The following ENOX2 variants were observed in gnomAD, a reference collection of about 807,000 sequenced individuals.
ENOX2 encodes ecto-NOX disulfide-thiol exchanger 2.
In ENOX2, 36 loss-of-function variants were observed where a neutral mutation model predicts 45.0. The ratio of observed to expected loss-of-function variants is 0.80; its 90% CI spans 0.61 to 1.06. ENOX2 has a LOEUF of 1.06. Ranked by LOEUF, ENOX2 falls within the 50% of genes least tolerant of loss-of-function variation. ENOX2 has a pLI of 0.00. For synonymous variants in ENOX2, 174 were observed against 152.3 expected (o/e 1.14, Z -1.05); for missense variants, 423 against 462.5 (o/e 0.91, Z 0.78).
Position 130,637,197 on chromosome X carries a change from C to T in ENOX2, c.1311+32G>A, listed in dbSNP as rs746506203. Reference sequence around the variant, plus strand: ...TAGGTGAGAAGCTGATGCTATTCTACCCAGAAGCTCAGAAAACCAAAATGC... The same window carrying T: ...TAGGTGAGAAGCTGATGCTATTCTATCCAGAAGCTCAGAAAACCAAAATGC... On this transcript the variant is annotated intron_variant, in intron 11 of 14. Transcript: ENST00000394363. 18 of 1,173,850 alleles carry T rather than the reference C, an allele frequency of 1.5e-5. No individual in the cohort carries two copies. In the African/African-American group the frequency reaches 2.8e-4, roughly 18 times the overall value.
rs777645957 is a variant in ENOX2, at chrX:130,817,618, G to A, written c.-182-33928C>T. On this transcript the variant is annotated intron_variant, in intron 2 of 14. Coordinates refer to ENST00000394363, the MANE Select transcript of ENOX2 (RefSeq NM_006375.4). ...GGGATGCAAGGCTGATTCAATACAC[G>A]CAAATCAATAAATGTAATCCATCAC... Among the ~76,000 whole-genome samples the A allele has an allele frequency of 9.8e-5, 11 of 111,947 alleles. No individual in the cohort carries two copies. The East Asian group carries it at 1.9e-3, about 20-fold the overall frequency.
intron 12 of ENOX2, among the ~76,000 whole-genome samples, chrX:130,633,034 G>A (rs1262083460): frequency 8.9e-6 from 1 of 112,187 alleles, no homozygotes; most frequent in Non-Finnish European, 1.9e-5. Context: ...GAATAGAACT[G>A]CAGCCTTCCT....
intron 3 of ENOX2, among the ~76,000 whole-genome samples, chrX:130,742,987 G>T (rs1356888051): frequency 8.9e-6 from 1 of 112,209 alleles, no homozygotes; most frequent in African/African-American, 3.2e-5. Flanking sequence ...TAGTGCTAGG[G>T]TGACGGTGAA....
At chrX:130,661,007 G>C (rs754496044) in intron 9 of ENOX2, among the ~76,000 whole-genome samples, 1 of 111,820 alleles carries the variant, frequency 8.9e-6, no homozygotes, top group Non-Finnish European at 1.9e-5. Context: ...TGTGCCAGCT[G>C]ACATTTTTGA....
chrX:130,846,190 G>A (rs1406278112), intron 2 of ENOX2, among the ~76,000 whole-genome samples: 4 of 111,348 alleles, frequency 3.6e-5, no homozygotes, highest in East Asian at 5.6e-4. Context: ...TCTAACAAAG[G>A]GGTCAGTCTT....
chrX:130,845,221 G>GT (rs781066543), intron 2 of ENOX2, among the ~76,000 whole-genome samples: 144 of 112,124 alleles, frequency 1.3e-3, no homozygotes, highest in South Asian at 6.7e-3. Context: ...ACATATCATG[G>GT]TAAGAGTAGA....
intron 9 of ENOX2, among the ~76,000 whole-genome samples, chrX:130,662,358 G>C (rs2036715791): frequency 1.8e-5 from 2 of 112,245 alleles, no homozygotes; most frequent in Non-Finnish European, 3.8e-5. Flanking sequence ...GTTGGCTGCT[G>C]GTAGAAGGAT....
At chrX:130,817,509 A>C (rs1430267466) in intron 2 of ENOX2, among the ~76,000 whole-genome samples, 1 of 112,168 alleles carries the variant, frequency 8.9e-6, no homozygotes, top group East Asian at 2.8e-4. Flanking sequence ...CATTGATGCA[A>C]AAATCCTCAA....
intron 3 of ENOX2, among the ~76,000 whole-genome samples, chrX:130,714,416 G>A (rs1372652773): frequency 9.0e-6 from 1 of 111,595 alleles, no homozygotes; most frequent in Non-Finnish European, 1.9e-5. Context: ...AGGGTTCACT[G>A]CTAAAGTTTT....
intron 2 of ENOX2, among the ~76,000 whole-genome samples, chrX:130,879,253 AAAG>A (rs1299376473): frequency 2.7e-5 from 3 of 112,105 alleles, no homozygotes; most frequent in African/African-American, 9.7e-5. Context: ...TAAAGAATCT[AAAG>A]AAGGCTTTCT....
At chrX:130,695,189 C>T (rs1464300177) in intron 4 of ENOX2, among the ~76,000 whole-genome samples, 1 of 111,785 alleles carries the variant, frequency 8.9e-6, no homozygotes, top group Non-Finnish European at 1.9e-5. Flanking sequence ...GCCTTCAAAC[C>T]TTCCTATCCA....
At chrX:130,815,709 T>C (rs1176075304) in intron 2 of ENOX2, among the ~76,000 whole-genome samples, 1 of 111,839 alleles carries the variant, frequency 8.9e-6, no homozygotes, top group Non-Finnish European at 1.9e-5. Context: ...AGAGGTTTGG[T>C]CACCACCAGG....
chrX:130,689,494 G>A (rs2037534590), intron 4 of ENOX2, among the ~76,000 whole-genome samples: 1 of 112,158 alleles, frequency 8.9e-6, no homozygotes, highest in Non-Finnish European at 1.9e-5. Context: ...GCAAAATAGG[G>A]TTAATATCAC....
intron 3 of ENOX2, among the ~76,000 whole-genome samples, chrX:130,754,349 G>C (rs547924574): frequency 8.9e-6 from 1 of 111,764 alleles, no homozygotes; most frequent in East Asian, 2.8e-4. Context: ...CGAAAAATAA[G>C]TCTAACATGT....
At position 130,861,675 on chromosome X, in the gene ENOX2, G is replaced by A. The variant is rs187338569; in HGVS notation, c.-183+40009C>T. On this transcript the variant is annotated intron_variant, in intron 2 of 14. Transcript: ENST00000394363. The stretch of plus-strand genomic sequence containing the variant: ...AGTCAAAGGGTACAAAGTTTTGGTC[G>A]CACCAGATGAGTAAGGCCTACATCT... Among the ~76,000 whole-genome samples, 43 of 111,572 alleles carry A rather than the reference G, an allele frequency of 3.9e-4. No individual in the cohort carries two copies. In the East Asian group the frequency reaches 0.012, roughly 31 times the overall value.
chrX:130,634,740 G>C, intron 12 of ENOX2, among the ~76,000 whole-genome samples: 1 of 111,475 alleles, frequency 9.0e-6, no homozygotes, highest in Non-Finnish European at 1.9e-5. Context: ...AGGAGTTTTA[G>C]GGATGAACCG....
At chrX:130,873,329 G>A (rs1433006268) in intron 2 of ENOX2, among the ~76,000 whole-genome samples, 1 of 112,142 alleles carries the variant, frequency 8.9e-6, no homozygotes, top group Non-Finnish European at 1.9e-5. Flanking sequence ...AAAGCCAAAT[G>A]AAAACCACAA....
At chrX:130,740,665 G>A (rs915731631) in intron 3 of ENOX2, among the ~76,000 whole-genome samples, 9 of 111,896 alleles carry the variant, frequency 8.0e-5, no homozygotes, top group African/African-American at 2.9e-4. Context: ...AGGCATACAT[G>A]AGGTTGCATA....
intron 3 of ENOX2, among the ~76,000 whole-genome samples, chrX:130,744,045 T>C (rs1167913741): frequency 8.9e-6 from 1 of 112,162 alleles, no homozygotes; most frequent in Non-Finnish European, 1.9e-5. Flanking sequence ...CTATGGTCCA[T>C]TGTTGACATA....
Sources: gnomAD v4.1 joint callset for allele counts (sites outside exome capture counted in the v4.1 genomes callset) on GRCh38, gnomAD v4.1.1 for gene constraint, MANE v1.5 for transcripts, NCBI Gene and HGNC (gene_info 2026-07-23, HGNC 2026-07-21) for gene names.